ZMAT4: variants seen among roughly 807,000 people sequenced by gnomAD.
ZMAT4 encodes zinc finger matrin-type 4.
ZMAT4 carries 17 observed loss-of-function variants against 28.7 expected under a neutral mutation model. That is an observed-to-expected ratio of 0.59 (90% CI 0.41 to 0.89). ZMAT4 has a LOEUF of 0.89. Among genes scored for constraint, ZMAT4 ranks in the 40% least tolerant of loss-of-function variants. The pLI, the probability that ZMAT4 is intolerant of heterozygous loss-of-function variation, is 0.00. For missense variants in ZMAT4, 240 were observed against 283.8 expected, an observed-to-expected ratio of 0.85 and a Z score of 1.11; for synonymous variants, 117 against 109.2, an observed-to-expected ratio of 1.07 and a Z score of -0.44.
intron 1 of ZMAT4, among the ~76,000 whole-genome samples, chr8:40,880,201 C>G (rs1423718926): frequency 1.3e-5 from 2 of 152,096 alleles, no homozygotes; most frequent in Admixed American, 1.3e-4. Context: ...AACCCCATTT[C>G]TACTAAAAAT....
intron 5 of ZMAT4, among the ~76,000 whole-genome samples, chr8:40,611,286 G>A (rs1225984774): frequency 2.0e-5 from 3 of 151,964 alleles, no homozygotes; most frequent in African/African-American, 7.3e-5. Flanking sequence ...ACATCGATGT[G>A]TCATCATTAA....
At chr8:40,697,155 G>C in intron 4 of ZMAT4, 90 bp downstream of exon 4, 2 of 1,419,678 alleles carry the variant, frequency 1.4e-6, no homozygotes, top group Non-Finnish European at 1.9e-6. Flanking sequence ...TCTGGTTCTG[G>C]CAACTGCGTC....
chr8:40,878,716 C>T (rs774968008), intron 1 of ZMAT4, among the ~76,000 whole-genome samples: 7 of 152,206 alleles, frequency 4.6e-5, no homozygotes, highest in Admixed American at 2.6e-4. Context: ...CCCATGGCAC[C>T]GTTCTCGCCA....
chr8:40,541,306 A>C (rs921638974), intron 6 of ZMAT4, among the ~76,000 whole-genome samples: 2 of 152,206 alleles, frequency 1.3e-5, no homozygotes, highest in African/African-American at 4.8e-5. Context: ...CCCTGGTTTT[A>C]CCTGTTCAAG....
chr8:40,708,258 A>T (rs1160810053), intron 3 of ZMAT4, among the ~76,000 whole-genome samples: 1 of 152,194 alleles, frequency 6.6e-6, no homozygotes, highest in Non-Finnish European at 1.5e-5. Context: ...CTGTGTGAGA[A>T]CAGCAGCTGG....
At chr8:40,891,580 G>A (rs1157393618) in intron 1 of ZMAT4, among the ~76,000 whole-genome samples, 2 of 152,072 alleles carry the variant, frequency 1.3e-5, no homozygotes, top group African/African-American at 2.4e-5. Context: ...GCTTCTCCAC[G>A]CCTTGTCTCA....
At chr8:40,743,407 C>G (rs886442467) in intron 3 of ZMAT4, among the ~76,000 whole-genome samples, 5 of 152,200 alleles carry the variant, frequency 3.3e-5, no homozygotes, top group African/African-American at 1.2e-4. Flanking sequence ...TGGAGGTTCT[C>G]CTGCCTGAGT....
At chr8:40,611,281 G>A (rs1193826788) in intron 5 of ZMAT4, among the ~76,000 whole-genome samples, 1 of 152,042 alleles carries the variant, frequency 6.6e-6, no homozygotes, top group Non-Finnish European at 1.5e-5. Context: ...AAACTACATC[G>A]ATGTGTCATC....
At chr8:40,734,529 G>T (rs946913968) in intron 3 of ZMAT4, among the ~76,000 whole-genome samples, 1 of 152,174 alleles carries the variant, frequency 6.6e-6, no homozygotes, top group African/African-American at 2.4e-5. Context: ...AGATGGAAAA[G>T]TACAACCGAG....
intron 2 of ZMAT4, among the ~76,000 whole-genome samples, chr8:40,788,021 AC>A (rs1814158129): frequency 6.6e-6 from 1 of 152,198 alleles, no homozygotes; most frequent in Non-Finnish European, 1.5e-5. Flanking sequence ...AATCAAGAAA[AC>A]AAAAATAGAA....
chr8:40,538,935 G>A (rs1328311741), intron 6 of ZMAT4, among the ~76,000 whole-genome samples: 9 of 152,056 alleles, frequency 5.9e-5, no homozygotes, highest in Non-Finnish European at 7.4e-5. Flanking sequence ...ACAGGCACCC[G>A]CCACCACACC....
chr8:40,757,977 C>T (rs1396149328), intron 3 of ZMAT4, among the ~76,000 whole-genome samples: 2 of 152,166 alleles, frequency 1.3e-5, no homozygotes, highest in African/African-American at 4.8e-5. Context: ...TGGATCCTTC[C>T]TGCCCTAGAA....
At chr8:40,697,210 C>A in intron 4 of ZMAT4, 35 bp downstream of exon 4, 1 of 1,539,140 alleles carries the variant, frequency 6.5e-7, no homozygotes, top group South Asian at 1.3e-5. Context: ...ACTTGGTTTT[C>A]AGGGTCTCCC....
chr8:40,828,373 TA>T (rs1198944597), intron 1 of ZMAT4, among the ~76,000 whole-genome samples: 3 of 152,130 alleles, frequency 2.0e-5, no homozygotes, highest in African/African-American at 7.2e-5. Flanking sequence ...ATGACCTGGT[TA>T]ATAGGAATCT....
At chr8:40,745,400 G>A (rs1178122209) in intron 3 of ZMAT4, among the ~76,000 whole-genome samples, 2 of 152,120 alleles carry the variant, frequency 1.3e-5, no homozygotes, top group Non-Finnish European at 2.9e-5. Context: ...AAGTAAAAGA[G>A]GCAGGTTCAG....
chr8:40,650,238 G>A (rs1807571436), intron 5 of ZMAT4, among the ~76,000 whole-genome samples: 1 of 151,980 alleles, frequency 6.6e-6, no homozygotes, highest in Admixed American at 6.6e-5. Flanking sequence ...AAATGATAAA[G>A]GGGATATCAC....
In ZMAT4 at chr8:40,638,750, C is replaced by G. The variant is rs145779389; in HGVS notation, c.577+35954G>C. 8.8e-4 allele frequency among the ~76,000 whole-genome samples: 134 copies of G among 152,324 alleles called. 1 individual carries two copies. The East Asian group carries it at 0.02, about 23-fold the overall frequency. On this transcript the variant is annotated intron_variant, in intron 5 of 6. Coordinates refer to ENST00000297737, the MANE Select transcript of ZMAT4 (RefSeq NM_024645.3). ...CTGATCCTATGGAGAAAATGGAACA[C>G]AAACCAGAGGCTCTGCAATGATTAT...
intron 5 of ZMAT4, among the ~76,000 whole-genome samples, chr8:40,672,800 C>G (rs766904053): frequency 6.6e-6 from 1 of 152,160 alleles, no homozygotes; most frequent in Admixed American, 6.6e-5. Context: ...AGGCCTTCAG[C>G]TATGGAGAGA....
intron 2 of ZMAT4, among the ~76,000 whole-genome samples, chr8:40,807,410 C>T (rs1440908024): frequency 6.6e-6 from 1 of 152,146 alleles, no homozygotes; most frequent in Non-Finnish European, 1.5e-5. Flanking sequence ...TGCCACTGTA[C>T]TCCAGCCTGG....
Sources: allele counts gnomAD v4.1 joint callset (sites outside exome capture counted in the v4.1 genomes callset), GRCh38; gene constraint gnomAD v4.1.1; transcripts MANE v1.5; gene names NCBI Gene and HGNC (gene_info 2026-07-23, HGNC 2026-07-21).